Variants in RGPD2 observed in about 807,000 individuals in gnomAD.
The protein encoded by RGPD2 is RANBP2 like and GRIP domain containing 2, also known as RANBP2-like and GRIP domain-containing protein 2.
RGPD2 carries 2 observed loss-of-function variants against 36.0 expected under a neutral mutation model. That is an observed-to-expected ratio of 0.06 (90% CI 0.02 to 0.17). The LOEUF is 0.17. Among genes scored for constraint, RGPD2 ranks in the 10% least tolerant of loss-of-function variants. RGPD2 has a pLI of 1.00. For missense variants in RGPD2, 40 were observed against 464.3 expected, an observed-to-expected ratio of 0.09 and a Z score of 8.40; for synonymous variants, 19 against 163.8, an observed-to-expected ratio of 0.12 and a Z score of 6.75.
the RGPD2 span, among the ~76,000 whole-genome samples, chr2:87,960,175 C>T: frequency 2.6e-5 from 4 of 152,000 alleles, no homozygotes; most frequent in African/African-American, 9.7e-5. Context: ...TCTTTTTTAA[C>T]CATTCAATAG....
At chr2:87,882,499 G>A in the RGPD2 span, among the ~76,000 whole-genome samples, 1 of 152,162 alleles carries the variant, frequency 6.6e-6, no homozygotes, top group South Asian at 2.1e-4. Context: ...GATTCCTATA[G>A]CTTTGTAATA....
At chr2:87,951,654 C>T in the RGPD2 span, among the ~76,000 whole-genome samples, 1 of 150,716 alleles carries the variant, frequency 6.6e-6, no homozygotes, top group Admixed American at 6.6e-5. Flanking sequence ...TGCAATGGTG[C>T]GATCTTGGCT....
the RGPD2 span, among the ~76,000 whole-genome samples, chr2:87,934,420 C>T: frequency 7.8e-5 from 11 of 141,878 alleles, no homozygotes; most frequent in East Asian, 2.3e-3. Context: ...TCTATGCACA[C>T]TGCTATTGAC....
chr2:87,822,367 T>C (rs1389352114), intron 1 of RGPD2, among the ~76,000 whole-genome samples: 1 of 150,182 alleles, frequency 6.7e-6, no homozygotes, highest in African/African-American at 2.5e-5. Flanking sequence ...AGTTTCCCAA[T>C]TGAAAGGACA....
the RGPD2 span, among the ~76,000 whole-genome samples, chr2:87,939,410 T>C: frequency 6.6e-6 from 1 of 152,012 alleles, no homozygotes; most frequent in Admixed American, 6.6e-5. Flanking sequence ...TTCTGAAGTG[T>C]CTTATTGTTT....
chr2:87,863,649 T>C, the RGPD2 span, among the ~76,000 whole-genome samples: 2 of 152,102 alleles, frequency 1.3e-5, no homozygotes, highest in Non-Finnish European at 2.9e-5. Flanking sequence ...TCATGAGTAT[T>C]CCCTTCTTAT....
At chr2:87,884,313 G>C in the RGPD2 span, among the ~76,000 whole-genome samples, 2 of 151,980 alleles carry the variant, frequency 1.3e-5, no homozygotes, top group African/African-American at 4.8e-5. Flanking sequence ...TAAGAAGGGA[G>C]TGTATAACAA....
chr2:87,836,022 T>TGA, the RGPD2 span, among the ~76,000 whole-genome samples: 1 of 149,566 alleles, frequency 6.7e-6, no homozygotes, highest in African/African-American at 2.5e-5. Context: ...TGAAAGAAAG[T>TGA]GAGAGAGAGC....
chr2:87,876,665 G>A, the RGPD2 span, among the ~76,000 whole-genome samples: 12 of 152,284 alleles, frequency 7.9e-5, no homozygotes, highest in African/African-American at 2.7e-4. Flanking sequence ...GGGGCAATGA[G>A]AAGTATGTAT....
At chr2:87,866,624 A>G in the RGPD2 span, among the ~76,000 whole-genome samples, 2 of 152,296 alleles carry the variant, frequency 1.3e-5, no homozygotes, top group Non-Finnish European at 2.9e-5. Context: ...ACAGCCACGC[A>G]GGGTGCATGG....
the RGPD2 span, among the ~76,000 whole-genome samples, chr2:87,876,193 T>G: frequency 6.6e-6 from 1 of 150,528 alleles, no homozygotes; most frequent in Non-Finnish European, 1.5e-5. Context: ...TTTTTTTTTT[T>G]GAAGAATTTT....
Position 87,825,532 on chromosome 2 carries a change from CG to C in RGPD2, c.72+125del, listed in dbSNP as rs1558739966. 1.3e-5 allele frequency: 6 copies of C among 477,250 alleles called. No individual in the cohort carries two copies. In the African/African-American group the frequency reaches 4.0e-4, roughly 32 times the overall value. 29.6% of individuals were successfully genotyped at this position (477,250 alleles called of 1,614,324 possible). A position where few individuals can be genotyped will look rare whatever the true frequency, so the allele number is the denominator to read the frequency against. On this transcript the variant is annotated intron_variant, in intron 1 of 22. Transcript: ENST00000398146. ...GCCGAGGCCGCCGCCCGGCCGAGGC[CG>C]AGGCCGAGGCCGCCGCCCGGCCAGG...
the RGPD2 span, among the ~76,000 whole-genome samples, chr2:87,886,336 T>A: frequency 1.3e-5 from 2 of 151,720 alleles, no homozygotes; most frequent in Non-Finnish European, 2.9e-5. Flanking sequence ...TCCTGCCCCT[T>A]TATCTTCCTT....
At chr2:87,934,222 T>A in the RGPD2 span, among the ~76,000 whole-genome samples, 1 of 134,994 alleles carries the variant, frequency 7.4e-6, no homozygotes, top group Admixed American at 7.2e-5. Flanking sequence ...TTCATCAGAT[T>A]ATAAAAATTG....
At chr2:87,865,619 GCA>G in the RGPD2 span, among the ~76,000 whole-genome samples, 1 of 138,744 alleles carries the variant, frequency 7.2e-6, no homozygotes, top group Non-Finnish European at 1.6e-5. Flanking sequence ...TAGCTTTTCA[GCA>G]CCTTGCTACT....
At chr2:87,935,227 G>C in the RGPD2 span, among the ~76,000 whole-genome samples, 57 of 145,944 alleles carry the variant, frequency 3.9e-4, no homozygotes, top group African/African-American at 1.4e-3. Context: ...ATTTGAATGT[G>C]TCAATAGAGG....
chr2:87,970,528 T>C, the RGPD2 span, among the ~76,000 whole-genome samples: 1 of 148,680 alleles, frequency 6.7e-6, no homozygotes, highest in Admixed American at 6.8e-5. Flanking sequence ...ATAAGATTAC[T>C]AATATTTCTG....
chr2:87,845,756 G>A, the RGPD2 span, among the ~76,000 whole-genome samples: 1 of 151,938 alleles, frequency 6.6e-6, no homozygotes, highest in Non-Finnish European at 1.5e-5. Flanking sequence ...AATGAAACTA[G>A]TGCTATATTT....
At chr2:87,962,932 A>G in the RGPD2 span, among the ~76,000 whole-genome samples, 3 of 146,582 alleles carry the variant, frequency 2.0e-5, no homozygotes, top group African/African-American at 7.5e-5. Context: ...CCTGGCCAAC[A>G]TGGTGAAACC....
Sources: gnomAD v4.1 joint callset for allele counts (sites outside exome capture counted in the v4.1 genomes callset) on GRCh38, gnomAD v4.1.1 for gene constraint, MANE v1.5 for transcripts, NCBI Gene and HGNC (gene_info 2026-07-23, HGNC 2026-07-21) for gene names.